The following MAPK4 variants were observed in gnomAD, a reference collection of about 807,000 sequenced individuals.
MAPK4 encodes Erk3-related.
Under a neutral mutation model 47.7 loss-of-function variants are expected in MAPK4, and 22 were observed. The observed-to-expected ratio is 0.46, with a 90% CI of 0.33 to 0.66. MAPK4 has a LOEUF of 0.66. MAPK4 is among the 30% of genes least tolerant of loss of function. The pLI, the probability that MAPK4 is intolerant of heterozygous loss-of-function variation, is 0.02. For missense variants in MAPK4, 736 were observed against 831.7 expected (o/e 0.88, Z 1.42); for synonymous variants, 390 against 365.7 (o/e 1.07, Z -0.76).
intron 1 of MAPK4, among the ~76,000 whole-genome samples, chr18:50,644,880 G>C (rs916731144): frequency 1.1e-4 from 16 of 152,174 alleles, no homozygotes; most frequent in African/African-American, 3.9e-4. Flanking sequence ...ATTTGCATAA[G>C]ACGTGCTATT....
At chr18:50,709,446 C>G (rs1427328807) in intron 2 of MAPK4, among the ~76,000 whole-genome samples, 1 of 152,180 alleles carries the variant, frequency 6.6e-6, no homozygotes, top group Non-Finnish European at 1.5e-5. Context: ...TGCAAGGGCC[C>G]CACTAGGGGC....
At chr18:50,571,485 C>A (rs866641701) in intron 1 of MAPK4, among the ~76,000 whole-genome samples, 50 of 152,314 alleles carry the variant, frequency 3.3e-4, no homozygotes, top group Admixed American at 1.6e-3. Flanking sequence ...GCCCTACCAG[C>A]CATAAGAATT....
At chr18:50,590,983 T>C (rs1190374889) in intron 1 of MAPK4, among the ~76,000 whole-genome samples, 1 of 152,258 alleles carries the variant, frequency 6.6e-6, no homozygotes, top group Admixed American at 6.5e-5. Flanking sequence ...AAGGAACCTA[T>C]TCTTGACAGT....
At chr18:50,672,241 G>A (rs8097750) in intron 2 of MAPK4, among the ~76,000 whole-genome samples, 26,783 of 152,046 alleles carry the variant, frequency 0.18, 2,632 homozygotes, top group East Asian at 0.34. Context: ...AGCCATCCGC[G>A]GAGGCTGGAT....
chr18:50,592,742 G>A (rs2042448540), intron 1 of MAPK4, among the ~76,000 whole-genome samples: 1 of 152,206 alleles, frequency 6.6e-6, no homozygotes, highest in South Asian at 2.1e-4. Context: ...GACTTTTAAA[G>A]AAGTTGACTT....
At chr18:50,649,603 A>G (rs944716154) in intron 1 of MAPK4, among the ~76,000 whole-genome samples, 1 of 152,322 alleles carries the variant, frequency 6.6e-6, no homozygotes, top group South Asian at 2.1e-4. Flanking sequence ...AGCTCTGTGC[A>G]TGATGCGTAT....
In MAPK4 at chr18:50,601,023, C is replaced by T. The variant is rs60855669; in HGVS notation, c.-871+40780C>T. On this transcript the variant is annotated intron_variant, in intron 1 of 5. Coordinates refer to ENST00000400384, the MANE Select transcript of MAPK4 (RefSeq NM_002747.4). ...CTGTAATCCCAGCACTTTGGAAGGC[C>T]GAGGTGGGCAGATCACTTGAGCCCA... is the stretch of plus-strand genomic sequence containing the variant. 0.014 allele frequency among the ~76,000 whole-genome samples: 2,125 copies of T among 150,384 alleles called. 107 individuals are homozygous for T. In the East Asian group the frequency reaches 0.18, roughly 13 times the overall value.
Position 50,638,441 on chromosome 18 carries a change from C to G in MAPK4, c.-870-24648C>G, listed in dbSNP as rs533448580. On this transcript the variant is annotated intron_variant, in intron 1 of 5. Coordinates refer to ENST00000400384, the MANE Select transcript of MAPK4 (RefSeq NM_002747.4). ...CCTTGCAGCTGAATAGCTGAGGCAT[C>G]AGCACTTTTAATACAAACAACAACA... 2.6e-5 allele frequency among the ~76,000 whole-genome samples: 4 copies of G among 152,332 alleles called. No individual in the cohort carries two copies. In the East Asian group the frequency reaches 7.7e-4, roughly 29 times the overall value.
intron 1 of MAPK4, among the ~76,000 whole-genome samples, chr18:50,598,965 A>C (rs2042509824): frequency 6.6e-6 from 1 of 152,174 alleles, no homozygotes; most frequent in African/African-American, 2.4e-5. Flanking sequence ...GGTGATGTTA[A>C]CCTTGATCAC....
intron 3 of MAPK4, among the ~76,000 whole-genome samples, chr18:50,716,933 C>T (rs187505913): frequency 1.8e-4 from 28 of 152,264 alleles, no homozygotes; most frequent in African/African-American, 6.3e-4. Flanking sequence ...AACAAAGCAG[C>T]CCTCCTCTGT....
In MAPK4 at chr18:50,700,285, C is replaced by T. The variant is rs184417177; in HGVS notation, c.547-14794C>T. ...GGAAATTCCAAGGGTTTAGAAGCTT[C>T]CTCCAGGAACTGAGAATAAAGACCA... On this transcript the variant is annotated intron_variant, in intron 2 of 5. Coordinates refer to ENST00000400384, the MANE Select transcript of MAPK4 (RefSeq NM_002747.4). 2.3e-4 allele frequency among the ~76,000 whole-genome samples: 35 copies of T among 152,260 alleles called. 1 individual carries two copies. Among genetic ancestry groups the T allele is most frequent in the Admixed American group, 2.2e-3 (34 of 15,302 alleles).
intron 1 of MAPK4, among the ~76,000 whole-genome samples, chr18:50,650,803 T>C (rs1240072930): frequency 6.6e-6 from 1 of 152,226 alleles, no homozygotes; most frequent in Non-Finnish European, 1.5e-5. Flanking sequence ...TGTGACTCTT[T>C]CTTTCCTGAT....
At chr18:50,649,292 G>A (rs1035619335) in intron 1 of MAPK4, among the ~76,000 whole-genome samples, 15 of 152,136 alleles carry the variant, frequency 9.9e-5, no homozygotes, top group African/African-American at 3.6e-4. Context: ...TCAGGCAGTT[G>A]AAACTGATTC....
intron 1 of MAPK4, among the ~76,000 whole-genome samples, chr18:50,624,951 G>A (rs568511010): frequency 6.6e-6 from 1 of 152,188 alleles, no homozygotes; most frequent in East Asian, 1.9e-4. Flanking sequence ...TCTAAGCTTT[G>A]TCAAAACACA....
chr18:50,571,017 C>T (rs1246326631), intron 1 of MAPK4, among the ~76,000 whole-genome samples: 2 of 152,138 alleles, frequency 1.3e-5, no homozygotes, highest in Non-Finnish European at 2.9e-5. Flanking sequence ...CAGAAAATCA[C>T]TGTCTGCCCA....
chr18:50,609,105 C>A (rs547921167), intron 1 of MAPK4, among the ~76,000 whole-genome samples: 27 of 152,212 alleles, frequency 1.8e-4, no homozygotes, highest in South Asian at 8.3e-4. Context: ...AAAATGGAGT[C>A]TCCTATGTCT....
rs141709582 is a variant in MAPK4, at chr18:50,615,014, C to T, written c.-870-48075C>T. Among the ~76,000 whole-genome samples the T allele has an allele frequency of 1.3e-3, 196 of 152,288 alleles. 1 individual carries two copies. The highest frequency in any genetic ancestry group is 2.5e-3 in the Non-Finnish European group (167 of 68,028). ...GGCGATGTCACAATCCCCAATCTTT[C>T]ACAACATTTGGACACAGTAGCCTTT... On this transcript the variant is annotated intron_variant, in intron 1 of 5. Coordinates refer to ENST00000400384, the MANE Select transcript of MAPK4 (RefSeq NM_002747.4).
chr18:50,650,441 G>C (rs1243033125), intron 1 of MAPK4, among the ~76,000 whole-genome samples: 1 of 151,862 alleles, frequency 6.6e-6, no homozygotes, highest in Non-Finnish European at 1.5e-5. Context: ...TGAGTGTTTT[G>C]TTTCCCACCG....
Position 50,580,440 on chromosome 18 carries a change from G to A in MAPK4, c.-871+20197G>A, listed in dbSNP as rs536057419. On this transcript the variant is annotated intron_variant, in intron 1 of 5. Coordinates refer to ENST00000400384, the MANE Select transcript of MAPK4 (RefSeq NM_002747.4). ...GCAAAGTTTGCCCTGATCAGGGGAA[G>A]ACATATGGCCTGAATACCTCCCCAA... 2.0e-5 allele frequency among the ~76,000 whole-genome samples: 3 copies of A among 152,316 alleles called. No homozygotes were observed. In the South Asian group the frequency reaches 6.2e-4, roughly 32 times the overall value.
Sources: gnomAD v4.1 joint callset for allele counts (sites outside exome capture counted in the v4.1 genomes callset) on GRCh38, gnomAD v4.1.1 for gene constraint, MANE v1.5 for transcripts, NCBI Gene and HGNC (gene_info 2026-07-23, HGNC 2026-07-21) for gene names.